Variants in UST observed in about 807,000 individuals in gnomAD.
UST encodes the protein uronyl 2-sulfotransferase.
UST carries 21 observed loss-of-function variants against 45.6 expected under a neutral mutation model. The observed-to-expected ratio is 0.46, with a 90% CI of 0.33 to 0.66. The LOEUF (loss-of-function observed/expected upper bound fraction) is 0.66, where lower values mean the gene tolerates loss of function less well. Ranked by LOEUF, UST falls within the 30% of genes least tolerant of loss-of-function variation. The pLI is 0.02. For synonymous variants in UST, 215 were observed against 200.6 expected, an observed-to-expected ratio of 1.07 and a Z score of -0.61; for missense variants, 463 against 512.4, an observed-to-expected ratio of 0.90 and a Z score of 0.93.
At chr6:148,939,939 A>T (rs1447867463) in intron 2 of UST, among the ~76,000 whole-genome samples, 1 of 152,186 alleles carries the variant, frequency 6.6e-6, no homozygotes, top group Non-Finnish European at 1.5e-5. Flanking sequence ...AACTTACAGG[A>T]TGGGAGAAAA....
At chr6:148,914,950 G>A (rs1296817237) in intron 2 of UST, among the ~76,000 whole-genome samples, 2 of 148,598 alleles carry the variant, frequency 1.3e-5, no homozygotes, top group Non-Finnish European at 3.0e-5. Context: ...AGGGTGGAAG[G>A]TCAAAAGGTC....
chr6:148,961,676 C>G (rs1343719153), intron 4 of UST, among the ~76,000 whole-genome samples: 2 of 152,174 alleles, frequency 1.3e-5, no homozygotes, highest in Non-Finnish European at 2.9e-5. Context: ...ATACAGTGGA[C>G]TTCACAGGGA....
At chr6:149,032,140 A>T (rs7756263) in intron 7 of UST, among the ~76,000 whole-genome samples, 36,889 of 152,028 alleles carry the variant, frequency 0.24, 4,549 homozygotes, top group Admixed American at 0.27. Context: ...CTGTGGCGCA[A>T]CCTGGCACTG....
intron 7 of UST, among the ~76,000 whole-genome samples, chr6:149,052,592 G>GTC (rs10545521): frequency 1.5e-3 from 230 of 150,290 alleles, no homozygotes; most frequent in South Asian, 0.013. Flanking sequence ...CTCTTAACTG[G>GTC]TCTCTCTCTC....
chr6:149,066,095 G>GA (rs1776726500), intron 7 of UST: 1 of 152,462 alleles, frequency 6.6e-6, no homozygotes, highest in Admixed American at 6.6e-5. Context: ...TCAGAGAGAG[G>GA]TGAGGGTGCC....
At chr6:148,910,080 A>G (rs1295875870) in intron 2 of UST, among the ~76,000 whole-genome samples, 1 of 151,558 alleles carries the variant, frequency 6.6e-6, no homozygotes. Context: ...GTAAATACAC[A>G]TACATTTCAC....
chr6:148,749,029 G>A (rs1285575145), intron 1 of UST, among the ~76,000 whole-genome samples: 1 of 151,908 alleles, frequency 6.6e-6, no homozygotes, highest in Non-Finnish European at 1.5e-5. Flanking sequence ...ATGTAGATGT[G>A]GATAAAATAA....
chr6:149,012,629 A>T (rs1402157084), intron 5 of UST, among the ~76,000 whole-genome samples: 1 of 152,226 alleles, frequency 6.6e-6, no homozygotes, highest in Admixed American at 6.5e-5. Context: ...ACATTGCGTC[A>T]TGTGCAGAGT....
chr6:148,848,764 A>T (rs1778047196), intron 1 of UST, among the ~76,000 whole-genome samples: 1 of 152,122 alleles, frequency 6.6e-6, no homozygotes, highest in East Asian at 1.9e-4. Flanking sequence ...AGAGAGACAT[A>T]TGACAAGAAA....
At chr6:148,912,580 A>G (rs1386726552) in intron 2 of UST, among the ~76,000 whole-genome samples, 1 of 152,250 alleles carries the variant, frequency 6.6e-6, no homozygotes, top group Non-Finnish European at 1.5e-5. Flanking sequence ...AATGGCTTCC[A>G]TAATTTATCC....
At chr6:148,982,109 T>G (rs569021781) in intron 5 of UST, among the ~76,000 whole-genome samples, 1 of 151,322 alleles carries the variant, frequency 6.6e-6, no homozygotes, top group African/African-American at 2.4e-5. Flanking sequence ...TTTTTGTTTT[T>G]TTTTTTTGAG....
intron 5 of UST, among the ~76,000 whole-genome samples, chr6:148,967,900 A>T (rs1050352461): frequency 1.3e-5 from 2 of 152,314 alleles, no homozygotes; most frequent in Admixed American, 6.5e-5. Flanking sequence ...GCCTGCTCTG[A>T]GGATGAAATA....
intron 1 of UST, among the ~76,000 whole-genome samples, chr6:148,858,596 C>T (rs894641329): frequency 2.6e-5 from 4 of 152,014 alleles, no homozygotes. Context: ...GCGCTGCACC[C>T]ATTAACTCGT....
chr6:148,813,986 A>G (rs1777311202), intron 1 of UST, among the ~76,000 whole-genome samples: 1 of 152,210 alleles, frequency 6.6e-6, no homozygotes, highest in Non-Finnish European at 1.5e-5. Flanking sequence ...TCATGTCTGT[A>G]AAAATCTTTT....
At chr6:149,027,489 G>C (rs1776066351) in intron 7 of UST, among the ~76,000 whole-genome samples, 3 of 152,124 alleles carry the variant, frequency 2.0e-5, no homozygotes, top group Non-Finnish European at 2.9e-5. Context: ...ATGTTTTAAG[G>C]CTGCTTGTTC....
intron 1 of UST, among the ~76,000 whole-genome samples, chr6:148,794,887 C>G (rs570125964): frequency 3.3e-4 from 50 of 152,344 alleles, no homozygotes; most frequent in Admixed American, 1.6e-3. Context: ...TTTAAACACT[C>G]CTTTTCGTCT....
At chr6:149,073,488 C>G (rs1203964656) in intron 7 of UST, among the ~76,000 whole-genome samples, 1 of 152,188 alleles carries the variant, frequency 6.6e-6, no homozygotes, top group African/African-American at 2.4e-5. Context: ...GGGTAAAGCC[C>G]TTTTCTGGTG....
chr6:148,867,564 G>A (rs1295426388), intron 1 of UST, among the ~76,000 whole-genome samples: 2 of 151,990 alleles, frequency 1.3e-5, no homozygotes, highest in Admixed American at 6.6e-5. Context: ...TGAATCCTGG[G>A]GGCAGTTTCC....
Position 148,985,403 on chromosome 6 carries a change from A to C in UST, c.681+20840A>C, listed in dbSNP as rs537279615. Among the ~76,000 whole-genome samples, 7 of 152,150 alleles carry C rather than the reference A, an allele frequency of 4.6e-5. No homozygotes were observed. In the East Asian group the frequency reaches 9.6e-4, roughly 21 times the overall value. ...TTTGAAGCAAAACAACAACAACAAC[A>C]ACAACAAAAACTGAACAAGAGTCCC... On this transcript the variant is annotated intron_variant, in intron 5 of 7. Coordinates refer to ENST00000367463, the MANE Select transcript of UST (RefSeq NM_005715.3).
Sources: gnomAD v4.1 joint callset for allele counts (sites outside exome capture counted in the v4.1 genomes callset) on GRCh38, gnomAD v4.1.1 for gene constraint, MANE v1.5 for transcripts, NCBI Gene and HGNC (gene_info 2026-07-23, HGNC 2026-07-21) for gene names.